TRIM2: variants seen among roughly 807,000 people sequenced by gnomAD.
TRIM2 encodes the protein tripartite motif-containing protein 2.
Under a neutral mutation model 75.2 loss-of-function variants are expected in TRIM2, and 20 were observed. The ratio of observed to expected loss-of-function variants is 0.27; its 90% CI spans 0.19 to 0.39. TRIM2 has a LOEUF of 0.39. TRIM2 is among the 10% of genes least tolerant of loss of function. The pLI, the probability that TRIM2 is intolerant of heterozygous loss-of-function variation, is 1.00. For missense variants in TRIM2, 660 were observed against 990.8 expected (o/e 0.67, Z 4.48); for synonymous variants, 373 against 388.3 (o/e 0.96, Z 0.46).
chr4:153,326,506 A>G (rs1205878492), intron 10 of TRIM2, among the ~76,000 whole-genome samples: 1 of 152,178 alleles, frequency 6.6e-6, no homozygotes, highest in Non-Finnish European at 1.5e-5. Flanking sequence ...GATAAGTGTA[A>G]AATGCATATC....
At chr4:153,289,608 T>C (rs1159348111) in intron 3 of TRIM2, among the ~76,000 whole-genome samples, 1 of 152,228 alleles carries the variant, frequency 6.6e-6, no homozygotes, top group Non-Finnish European at 1.5e-5. Context: ...GAGTATTCTT[T>C]GTCATCTCGT....
intron 1 of TRIM2, among the ~76,000 whole-genome samples, chr4:153,251,671 C>T (rs757105409): frequency 1.3e-5 from 2 of 152,114 alleles, no homozygotes; most frequent in African/African-American, 2.4e-5. Context: ...TCAAAATTCT[C>T]TCTTCTAGCT....
At chr4:153,181,679 G>A (rs902524311) in intron 1 of TRIM2, among the ~76,000 whole-genome samples, 1 of 152,162 alleles carries the variant, frequency 6.6e-6, no homozygotes, top group Admixed American at 6.5e-5. Flanking sequence ...TGGCAGCGAT[G>A]AGTCCCCAGG....
At chr4:153,297,960 A>G (rs1763084988) in intron 6 of TRIM2, among the ~76,000 whole-genome samples, 1 of 152,202 alleles carries the variant, frequency 6.6e-6, no homozygotes, top group Non-Finnish European at 1.5e-5. Flanking sequence ...ATTCATCATC[A>G]TCATCATCAT....
Position 153,221,180 on chromosome 4 carries a change from C to T in TRIM2, c.30+16620C>T, listed in dbSNP as rs79983087. 1.9e-3 allele frequency among the ~76,000 whole-genome samples: 285 copies of T among 152,266 alleles called. 1 individual carries two copies. The highest frequency in any genetic ancestry group is 6.6e-3 in the African/African-American group (276 of 41,540). ...GCAATAAAAAGTCATGAAGTACTGA[C>T]ACATGCTACGTGGATTCCTGAGTAA... On this transcript the variant is annotated intron_variant, in intron 1 of 11. Transcript: ENST00000338700.
chr4:153,320,883 C>T (rs1433516259), intron 8 of TRIM2, among the ~76,000 whole-genome samples: 2 of 152,184 alleles, frequency 1.3e-5, no homozygotes, highest in African/African-American at 4.8e-5. Flanking sequence ...CCACCCACCT[C>T]GGCCTCCCAA....
intron 1 of TRIM2, among the ~76,000 whole-genome samples, chr4:153,256,590 T>C (rs1405300786): frequency 2.6e-5 from 4 of 152,234 alleles, no homozygotes; most frequent in African/African-American, 7.2e-5. Context: ...CTAATCACTA[T>C]CATATGGCTA....
chr4:153,163,171 C>A (rs1268752758), intron 1 of TRIM2, among the ~76,000 whole-genome samples: 1 of 152,072 alleles, frequency 6.6e-6, no homozygotes, highest in African/African-American at 2.4e-5. Context: ...ATAATGGGAT[C>A]CATTTCTAGA....
At chr4:153,257,431 T>C (rs1346424809) in intron 1 of TRIM2, 1 of 1,195,264 alleles carries the variant, frequency 8.4e-7, no homozygotes, top group African/African-American at 1.6e-5. Context: ...TCAAGACCGA[T>C]TGGTGTGAAT....
At chr4:153,212,501 A>G (rs1737324826) in intron 1 of TRIM2, among the ~76,000 whole-genome samples, 2 of 152,208 alleles carry the variant, frequency 1.3e-5, no homozygotes, top group African/African-American at 4.8e-5. Context: ...CAATATTTCC[A>G]TGTAAGAAAG....
intron 1 of TRIM2, among the ~76,000 whole-genome samples, chr4:153,216,155 G>A (rs2149730164): frequency 6.6e-6 from 1 of 152,286 alleles, no homozygotes; most frequent in Middle Eastern, 3.4e-3. Flanking sequence ...TTGGTTTGAA[G>A]CAGTGTATGG....
At position 153,337,907 on chromosome 4, in the gene TRIM2, C is replaced by T. The variant is rs1471809614; in HGVS notation, c.*2941C>T. The T allele has an allele frequency of 1.0e-6, 1 of 985,642 alleles. No individual in the cohort carries two copies. Among genetic ancestry groups the T allele is most frequent in the Non-Finnish European group, 1.2e-6 (1 of 829,918 alleles). The allele number at this position is 985,642 out of a possible 1,614,324, so 61.1% of individuals were successfully genotyped here. On this transcript the variant is annotated 3_prime_UTR_variant, in exon 12 of 12. Coordinates refer to ENST00000338700, the MANE Select transcript of TRIM2 (RefSeq NM_015271.5). ...TTTCCTCCCAGTACAGACCCCCCAG[C>T]CCCCCTTGCTGGACATGGGGAGGCA... is the stretch of plus-strand genomic sequence containing the variant.
At chr4:153,223,125 G>T (rs1741120317) in intron 1 of TRIM2, 1 of 152,318 alleles carries the variant, frequency 6.6e-6, no homozygotes, top group African/African-American at 2.4e-5. Flanking sequence ...CCTGCCCAGA[G>T]TCCATTTCCG....
chr4:153,155,499 G>A (rs1352822849), intron 1 of TRIM2, among the ~76,000 whole-genome samples: 1 of 152,162 alleles, frequency 6.6e-6, no homozygotes, highest in Non-Finnish European at 1.5e-5. Context: ...CTGTTTTAGG[G>A]AGAGAAGGTG....
chr4:153,335,109 A>C lies in TRIM2; in HGVS notation c.*143A>C, dbSNP rs1278662850. 1 of 1,303,800 alleles carries C rather than the reference A, an allele frequency of 7.7e-7. No homozygotes were observed. Among genetic ancestry groups the C allele is most frequent in the Non-Finnish European group, 9.8e-7 (1 of 1,020,662 alleles). The allele number at this position is 1,303,800 out of a possible 1,614,324, so 80.8% of individuals were successfully genotyped here. Reference sequence around the variant, plus strand: ...TTCCAAGGTTATTTCTGAATGTAACAATTTCCTTAAAAATGACTTATCCAA... The same window carrying C: ...TTCCAAGGTTATTTCTGAATGTAACCATTTCCTTAAAAATGACTTATCCAA... On this transcript the variant is annotated 3_prime_UTR_variant, in exon 12 of 12. Coordinates refer to ENST00000338700, the MANE Select transcript of TRIM2 (RefSeq NM_015271.5).
chr4:153,312,474 C>T (rs1766581831), intron 6 of TRIM2, among the ~76,000 whole-genome samples: 1 of 152,000 alleles, frequency 6.6e-6, no homozygotes, highest in Non-Finnish European at 1.5e-5. Context: ...CATCACTGGC[C>T]ATCAGAGAAA....
At chr4:153,278,307 T>A (rs1758470169) in intron 3 of TRIM2, among the ~76,000 whole-genome samples, 1 of 152,128 alleles carries the variant, frequency 6.6e-6, no homozygotes, top group Non-Finnish European at 1.5e-5. Context: ...AGAGACAGGG[T>A]CTCACTATGT....
At chr4:153,257,765 G>A (rs1273882734) in intron 1 of TRIM2, 14 of 465,496 alleles carry the variant, frequency 3.0e-5, no homozygotes, top group Non-Finnish European at 5.7e-5. Flanking sequence ...CTTCAGAAAT[G>A]GGTAGGTCCT....
chr4:153,338,788 T>G lies in TRIM2; in HGVS notation c.*3822T>G, dbSNP rs1772753352. ...ATTGGCTATGTTGTTCCAATGAATG[T>G]ACAGCACTTCCATTAACTTTTGAAA... On this transcript the variant is annotated 3_prime_UTR_variant, in exon 12 of 12. Transcript: ENST00000338700. The G allele has an allele frequency of 1.0e-6, 1 of 985,752 alleles. No homozygotes were observed. The highest frequency in any genetic ancestry group is 6.1e-5 in the Admixed American group (1 of 16,270). The allele number at this position is 985,752 out of a possible 1,614,324, so 61.1% of individuals were successfully genotyped here. A position where few individuals can be genotyped will look rare whatever the true frequency, so the allele number is the denominator to read the frequency against.
Sources: allele counts gnomAD v4.1 joint callset (sites outside exome capture counted in the v4.1 genomes callset), GRCh38; gene constraint gnomAD v4.1.1; transcripts MANE v1.5; gene names NCBI Gene and HGNC (gene_info 2026-07-23, HGNC 2026-07-21).